EIF4G1: variants seen among roughly 807,000 people sequenced by gnomAD.
The protein encoded by EIF4G1 is EIF4-gamma.
A neutral mutation model predicts 187.8 loss-of-function variants in EIF4G1; 4 were observed. That is an observed-to-expected ratio of 0.02 (90% CI 0.01 to 0.05). EIF4G1 has a LOEUF of 0.05. EIF4G1 is among the 10% of genes least tolerant of loss of function. The pLI is 1.00. For missense variants in EIF4G1, 1,647 were observed against 2,081.1 expected (o/e 0.79, Z 4.06); for synonymous variants, 844 against 781.4 (o/e 1.08, Z -1.34).
intron 17 of EIF4G1, 129 bp from the exon 18 acceptor site, chr3:184,324,749 G>A: frequency 1.0e-6 from 1 of 1,003,214 alleles, no homozygotes; most frequent in South Asian, 1.3e-5. Context: ...ACAGGCATGA[G>A]CCACTATGCC....
rs898607114 is a variant in EIF4G1, at chr3:184,322,028, G to C, written c.1444G>C (p.Glu482Gln). The change falls in exon 10 of 33, where the codon GAA becomes CAA. Residue 482 changes from glutamate (E) to glutamine (Q), a missense_variant. By Grantham distance (29) the Glu-to-Gln change is conservative (BLOSUM62 2). Coordinates refer to ENST00000346169, the MANE Select transcript of EIF4G1 (RefSeq NM_198241.3). ...GEAESEKGGE[E>Q]LLPPESTPIP... ...AGCTGAGAGTGAGAAAGGAGGAGAGGAACTGCTCCCCCCAGAGAGTACCCC... is the reference window on the plus strand; with the variant it reads ...AGCTGAGAGTGAGAAAGGAGGAGAGCAACTGCTCCCCCCAGAGAGTACCCC... The C allele has an allele frequency of 6.2e-7, 1 of 1,614,192 alleles. No homozygotes were observed. Among genetic ancestry groups the C allele is most frequent in the African/African-American group, 1.3e-5 (1 of 75,048 alleles).
At chr3:184,326,664 C>T (rs775192649) in intron 22 of EIF4G1, 35 bp downstream of exon 22, 15 of 1,602,556 alleles carry the variant, frequency 9.4e-6, no homozygotes, top group Middle Eastern at 1.7e-4. Flanking sequence ...GGTGGTTACC[C>T]GTCAGAGCTC....
rs111226425 is a variant in EIF4G1, at chr3:184,319,711, A to C, written c.447A>C (p.Gln149His). 3.1e-6 allele frequency: 5 copies of C among 1,603,100 alleles called. No individual in the cohort carries two copies. In the East Asian group the frequency reaches 1.1e-4, roughly 36 times the overall value. Residue 149 changes from glutamine to histidine, a missense_variant, in exon 7 of 33, where the codon CAA (glutamine) becomes CAC (histidine). Physicochemically the swap from Gln to His is conservative, Grantham distance 24 (BLOSUM62 0). This residue lies in a region of EIF4G1 where 139 missense variants were observed against 187.3 expected (regional missense o/e 0.74). Transcript: ENST00000346169. ...AAGCTGGCGCCTACTATCCAGCCCA[A>C]GGGGTGCAGCAGTTTCCCACTGGCG... ...GTYAGAYYPAQGVQQFPTGVA... is the reference protein window; with the variant it reads ...GTYAGAYYPAHGVQQFPTGVA...
chr3:184,329,001 G>GC lies in EIF4G1; in HGVS notation c.4161+13dup. On this transcript the variant is annotated intron_variant, in intron 28 of 32. Transcript: ENST00000346169. ...CTGTGCAAAAGCATGGTGAGTGAGG[G>GC]CCAGGAGTCCAGAGATGCCTCCCAC... is the stretch of plus-strand genomic sequence containing the variant. 1.2e-6 allele frequency: 2 copies of GC among 1,614,024 alleles called. No individual in the cohort carries two copies. Among genetic ancestry groups the GC allele is most frequent in the Non-Finnish European group, 1.7e-6 (2 of 1,180,026 alleles).
chr3:184,318,919 A>G (rs1357137110), intron 6 of EIF4G1, among the ~76,000 whole-genome samples: 2 of 152,062 alleles, frequency 1.3e-5, no homozygotes, highest in Admixed American at 6.6e-5. Context: ...CTCAACTAAA[A>G]ATACAAAAAT....
intron 4 of EIF4G1, 123 bp downstream of exon 4, chr3:184,316,341 A>G: frequency 2.3e-6 from 3 of 1,289,132 alleles, no homozygotes; most frequent in Non-Finnish European, 3.2e-6. Flanking sequence ...GTGTTCTTTC[A>G]TGCGGCTCTG....
In EIF4G1 at chr3:184,331,284, A is replaced by C. The variant is rs1426032500; in HGVS notation, c.4180A>C (p.Thr1394Pro). ...TTTCCAGGGTCCTAAAAAGGTGGGG[A>C]CGCTGTGGCGAGAAGCCGGGCTTAG... ...CKSMGPKKVG[T>P]LWREAGLSWK... Residue 1394 changes from threonine to proline, a missense_variant, in exon 29 of 33, where the codon ACG becomes CCG. Physicochemically the swap from Thr to Pro is conservative, Grantham distance 38. Transcript: ENST00000346169. 1.2e-6 allele frequency: 2 copies of C among 1,614,148 alleles called. No individual in the cohort carries two copies. The highest frequency in any genetic ancestry group is 4.5e-5 in the East Asian group (2 of 44,888).
chr3:184,316,686 T>C, intron 4 of EIF4G1: 1 of 1,592,304 alleles, frequency 6.3e-7, no homozygotes, highest in Non-Finnish European at 8.5e-7. Context: ...GGTAATTCTC[T>C]TCTTTCCTAT....
intron 7 of EIF4G1, among the ~76,000 whole-genome samples, chr3:184,320,037 TG>T (rs1723597008): frequency 6.6e-6 from 1 of 152,258 alleles, no homozygotes; most frequent in African/African-American, 2.4e-5. Context: ...ACCTGGGTGC[TG>T]GGGGGTTGGA....
Position 184,325,767 on chromosome 3 carries a change from A to T in EIF4G1, c.3122-84A>T, listed in dbSNP as rs761028229. ...ACACCATGATGGAACTGAGGATCTG[A>T]GGAAGGGAGGCTGGGGGTGGCCCAA... is the stretch of plus-strand genomic sequence containing the variant. On this transcript the variant is annotated intron_variant, in intron 20 of 32. Coordinates refer to ENST00000346169, the MANE Select transcript of EIF4G1 (RefSeq NM_198241.3). This position sits in a 1 kb window ranked among gnomAD's most constrained non-coding sequence, Gnocchi z 5.2. 2 of 1,611,036 alleles carry T rather than the reference A, an allele frequency of 1.2e-6. No individual in the cohort carries two copies. The highest frequency in any genetic ancestry group is 1.7e-6 in the Non-Finnish European group (2 of 1,177,382).
intron 26 of EIF4G1, 139 bp downstream of exon 26, chr3:184,328,141 T>G: frequency 9.9e-7 from 1 of 1,013,392 alleles, no homozygotes; most frequent in Non-Finnish European, 1.5e-6. Context: ...CCCTGCACTT[T>G]GGGAGGCCAA....
chr3:184,331,008 A>G (rs1277915803), intron 28 of EIF4G1, among the ~76,000 whole-genome samples: 1 of 152,038 alleles, frequency 6.6e-6, no homozygotes, highest in Non-Finnish European at 1.5e-5. Flanking sequence ...TCAGAGTGCT[A>G]GGATTACAGG....
chr3:184,326,737 G>T, intron 22 of EIF4G1, 108 bp downstream of exon 22: 1 of 1,480,504 alleles, frequency 6.8e-7, no homozygotes. Flanking sequence ...GGCAATGCGG[G>T]CAATAGAGGA....
intron 28 of EIF4G1, chr3:184,329,278 A>G: frequency 8.5e-6 from 4 of 470,080 alleles, no homozygotes; most frequent in South Asian, 6.3e-5. Context: ...ATCATTTATC[A>G]TATACTAAGC....
At position 184,326,890 on chromosome 3, in the gene EIF4G1, C is replaced by T. The variant is rs746360294; in HGVS notation, c.3335C>T (p.Ala1112Val). The T allele has an allele frequency of 1.2e-6, 2 of 1,614,218 alleles. No homozygotes were observed. Among genetic ancestry groups the T allele is most frequent in the East Asian group, 2.2e-5 (1 of 44,890 alleles). ...TTTTCTGCATCCCCAGCATCAGAAG[C>T]TGCTCGCCCAGCTACTAGTACTTTG... ...GAKPSDAASE[A>V]ARPATSTLNR... is the part of the protein sequence containing the mutation. Residue 1112 changes from alanine to valine, a missense_variant, in exon 23 of 33, where the codon GCT becomes GTT. Physicochemically the swap from Ala to Val is moderately conservative, Grantham distance 64. Transcript: ENST00000346169.
In EIF4G1 at chr3:184,335,340, ATGAAT is replaced by A. The variant is rs1248429197; in HGVS notation, c.*434_*438del. The A allele has an allele frequency of 1.3e-5, 3 of 222,650 alleles. No individual in the cohort carries two copies. Among genetic ancestry groups the A allele is most frequent in the South Asian group, 6.2e-5 (1 of 16,060 alleles). 13.8% of individuals were successfully genotyped at this position (222,650 alleles called of 1,614,324 possible). On this transcript the variant is annotated 3_prime_UTR_variant, in exon 33 of 33. Transcript: ENST00000346169. ...GGCACGGTGCCTGTAATTATTAAACATGAATTCAATTAAGCTCACTGCCTTTCTGC... is the reference window on the plus strand; with the variant it reads ...GGCACGGTGCCTGTAATTATTAAACATCAATTAAGCTCACTGCCTTTCTGC...
chr3:184,321,260 AT>A (rs761971335), intron 9 of EIF4G1, 21 bp from the exon 10 acceptor site: 14 of 1,613,930 alleles, frequency 8.7e-6, no homozygotes, highest in Non-Finnish European at 9.3e-6. Context: ...TTAGTTGCTC[AT>A]TCTTCCTTCC....
rs761984268 is a variant in EIF4G1 at position 184,335,133 on chromosome 3, T to C, written c.*225T>C. The C allele has an allele frequency of 6.9e-6, 4 of 575,622 alleles. No individual in the cohort carries two copies. The highest frequency in any genetic ancestry group is 2.0e-5 in the South Asian group (1 of 50,070). The allele number at this position is 575,622 out of a possible 1,614,324, so 35.7% of individuals were successfully genotyped here. A position where few individuals can be genotyped will look rare whatever the true frequency, so the allele number is the denominator to read the frequency against. On this transcript the variant is annotated 3_prime_UTR_variant, in exon 33 of 33. Transcript: ENST00000346169. ...CTCCTCCCCCTGGGGCACAGAGATA[T>C]ATTATATATAAAGTCTTGAAATTTG...
chr3:184,325,230 C>T lies in EIF4G1; in HGVS notation c.2857-39C>T. On this transcript the variant is annotated intron_variant, in intron 18 of 32. Coordinates refer to ENST00000346169, the MANE Select transcript of EIF4G1 (RefSeq NM_198241.3). This position sits in a 1 kb window ranked among gnomAD's most constrained non-coding sequence, Gnocchi z 5.2. The stretch of plus-strand genomic sequence containing the variant: ...GTGGGGCCTGCAGTTATAGGTGGGA[C>T]ATGAGAAGTTCCTGGTCTGATGCCT... 6.2e-7 allele frequency: 1 copy of T among 1,610,598 alleles called. No individual in the cohort carries two copies. Among genetic ancestry groups the T allele is most frequent in the Non-Finnish European group, 8.5e-7 (1 of 1,176,804 alleles).
Sources: gnomAD v4.1 joint callset for allele counts (sites outside exome capture counted in the v4.1 genomes callset) on GRCh38, gnomAD v4.1.1 for gene constraint, gnomAD v4.1.1 regional missense constraint, Gnocchi (gnomAD v3.1) non-coding constraint, MANE v1.5 for transcripts, NCBI Gene and HGNC (gene_info 2026-07-23, HGNC 2026-07-21) for gene names.